The following HS6ST3 variants were observed in gnomAD, a reference collection of about 807,000 sequenced individuals.
HS6ST3 encodes heparan-sulfate 6-O-sulfotransferase 3.
Under a neutral mutation model 36.7 loss-of-function variants are expected in HS6ST3, and 12 were observed. The ratio of observed to expected loss-of-function variants is 0.33; its 90% CI spans 0.21 to 0.53. The LOEUF (loss-of-function observed/expected upper bound fraction) is 0.53, where lower values mean the gene tolerates loss of function less well. Ranked by LOEUF, HS6ST3 falls within the 20% of genes least tolerant of loss-of-function variation. HS6ST3 has a pLI of 0.95. For missense variants in HS6ST3, 584 were observed against 640.9 expected, an observed-to-expected ratio of 0.91 and a Z score of 0.96; for synonymous variants, 240 against 257.5, an observed-to-expected ratio of 0.93 and a Z score of 0.65.
chr13:96,813,976 T>C (rs1322540305), intron 1 of HS6ST3, among the ~76,000 whole-genome samples: 1 of 152,226 alleles, frequency 6.6e-6, no homozygotes, highest in Non-Finnish European at 1.5e-5. Flanking sequence ...TTTTATCTTA[T>C]GGAGAGAATA....
At chr13:96,395,032 C>T (rs2055413864) in intron 1 of HS6ST3, among the ~76,000 whole-genome samples, 1 of 152,044 alleles carries the variant, frequency 6.6e-6, no homozygotes, top group Non-Finnish European at 1.5e-5. Context: ...TCTATTAAGG[C>T]TTCATTTGTT....
At chr13:96,607,575 A>T (rs955854403) in intron 1 of HS6ST3, among the ~76,000 whole-genome samples, 25 of 152,222 alleles carry the variant, frequency 1.6e-4, no homozygotes, top group African/African-American at 5.8e-4. Flanking sequence ...TGTGATGGCC[A>T]TATGAACTGA....
chr13:96,362,259 A>T (rs1388351989), intron 1 of HS6ST3, among the ~76,000 whole-genome samples: 1 of 151,632 alleles, frequency 6.6e-6, no homozygotes. Context: ...ATAATATTTA[A>T]TAACGATTTC....
rs1878883946 is a variant in HS6ST3 at position 96,834,713 on chromosome 13, T to C, written c.*1515T>C. On this transcript the variant is annotated 3_prime_UTR_variant, in exon 2 of 2. Transcript: ENST00000376705. ...CAGATTGAAAAGCCTATTTCATTGA[T>C]ATCCAACATGTTTGATGTTTAAGCT... is the stretch of plus-strand genomic sequence containing the variant. The C allele has an allele frequency of 6.6e-6, 1 of 152,640 alleles. No individual in the cohort carries two copies. The highest frequency in any genetic ancestry group is 2.1e-4 in the South Asian group (1 of 4,830). The allele number at this position is 152,640 out of a possible 1,614,324, so 9.5% of individuals were successfully genotyped here. A position where few individuals can be genotyped will look rare whatever the true frequency, so the allele number is the denominator to read the frequency against.
rs116072259 is a variant in HS6ST3, at chr13:96,733,657, T to C, written c.708-98833T>C. Reference sequence around the variant, plus strand: ...ACCCTACCTTAATTCCTAAGGAGATTCCTTCACCAATGAAATGGGTATAAT... The same window carrying C: ...ACCCTACCTTAATTCCTAAGGAGATCCCTTCACCAATGAAATGGGTATAAT... On this transcript the variant is annotated intron_variant, in intron 1 of 1. Transcript: ENST00000376705. Among the ~76,000 whole-genome samples the C allele has an allele frequency of 3.0e-3, 456 of 152,336 alleles. 5 individuals are homozygous for C. Among genetic ancestry groups the C allele is most frequent in the African/African-American group, 0.01 (419 of 41,584 alleles).
At chr13:96,789,220 TACTTA>T (rs1877723117) in intron 1 of HS6ST3, among the ~76,000 whole-genome samples, 1 of 151,942 alleles carries the variant, frequency 6.6e-6, no homozygotes. Context: ...ATAATATAGA[TACTTA>T]ACTTTTTATA....
chr13:96,766,163 G>A (rs956538552), intron 1 of HS6ST3, among the ~76,000 whole-genome samples: 1 of 152,176 alleles, frequency 6.6e-6, no homozygotes. Context: ...ACATGAAAGG[G>A]CAGCAATTAA....
At chr13:96,213,102 G>T (rs1045534585) in intron 1 of HS6ST3, among the ~76,000 whole-genome samples, 1 of 152,138 alleles carries the variant, frequency 6.6e-6, no homozygotes, top group African/African-American at 2.4e-5. Context: ...ATGCAATTTT[G>T]TACTTGCTTA....
At chr13:96,322,950 C>T (rs2055011796) in intron 1 of HS6ST3, among the ~76,000 whole-genome samples, 1 of 152,178 alleles carries the variant, frequency 6.6e-6, no homozygotes, top group African/African-American at 2.4e-5. Context: ...CTGTGCCCGC[C>T]TGGTGTGCCT....
At chr13:96,120,181 G>A (rs1337785775) in intron 1 of HS6ST3, among the ~76,000 whole-genome samples, 3 of 152,218 alleles carry the variant, frequency 2.0e-5, no homozygotes, top group Non-Finnish European at 4.4e-5. Context: ...AAAGATTCCT[G>A]GCAGCCCCAG....
At chr13:96,464,163 C>CAAAAAAAAAAAAAA (rs1322172089) in intron 1 of HS6ST3, among the ~76,000 whole-genome samples, 153 of 64,612 alleles carry the variant, frequency 2.4e-3, no homozygotes, top group South Asian at 4.8e-3. Context: ...AAAAAAAAAT[C>CAAAAAAAAAAAAAA]AAAGATCTGA....
chr13:96,467,622 CTAA>C (rs1460002418), intron 1 of HS6ST3, among the ~76,000 whole-genome samples: 2 of 142,038 alleles, frequency 1.4e-5, no homozygotes, highest in Admixed American at 7.0e-5. Context: ...GATATCTGTG[CTAA>C]TAATAATTAA....
chr13:96,204,867 T>C (rs1420078479), intron 1 of HS6ST3, among the ~76,000 whole-genome samples: 3 of 152,088 alleles, frequency 2.0e-5, no homozygotes, highest in South Asian at 4.1e-4. Context: ...ATTTATAGCA[T>C]TGAATGCCCA....
chr13:96,771,191 T>C (rs1229083102), intron 1 of HS6ST3, among the ~76,000 whole-genome samples: 2 of 148,722 alleles, frequency 1.3e-5, no homozygotes, highest in African/African-American at 2.5e-5. Flanking sequence ...CAACACCGCA[T>C]GTTCTCACTC....
chr13:96,645,858 T>C (rs2056586798), intron 1 of HS6ST3, among the ~76,000 whole-genome samples: 1 of 151,872 alleles, frequency 6.6e-6, no homozygotes, highest in African/African-American at 2.4e-5. Context: ...GTACTGAAAA[T>C]AGTTTATAAA....
intron 1 of HS6ST3, among the ~76,000 whole-genome samples, chr13:96,326,975 T>G (rs1191743052): frequency 1.3e-5 from 2 of 149,732 alleles, no homozygotes; most frequent in Non-Finnish European, 3.0e-5. Context: ...CATAAATGTC[T>G]TCTTTTGAGA....
chr13:96,273,950 T>TCCC (rs2054734356), intron 1 of HS6ST3, among the ~76,000 whole-genome samples: 1 of 71,346 alleles, frequency 1.4e-5, no homozygotes, highest in Non-Finnish European at 2.6e-5. Context: ...CCTCCCTCCC[T>TCCC]TCCTTCCTTC....
At chr13:96,337,130 AT>A (rs1488572077) in intron 1 of HS6ST3, among the ~76,000 whole-genome samples, 1 of 152,050 alleles carries the variant, frequency 6.6e-6, no homozygotes, top group East Asian at 1.9e-4. Context: ...GCAGTGGCCA[AT>A]CTCTGCTCAC....
rs1383196469 is a variant in HS6ST3 at position 96,504,453 on chromosome 13, G to A, written c.708-328037G>A. Among the ~76,000 whole-genome samples the A allele has an allele frequency of 3.9e-5, 6 of 152,274 alleles. No homozygotes were observed. The East Asian group carries it at 1.2e-3, about 29-fold the overall frequency. ...TGTTAGCAACTGCTTAGCAATGAATGTTACTGGTGGGGTTCAGGAGGTTTA... is the reference window on the plus strand; with the variant it reads ...TGTTAGCAACTGCTTAGCAATGAATATTACTGGTGGGGTTCAGGAGGTTTA... On this transcript the variant is annotated intron_variant, in intron 1 of 1. Transcript: ENST00000376705.
Sources: allele counts gnomAD v4.1 joint callset (sites outside exome capture counted in the v4.1 genomes callset), GRCh38; gene constraint gnomAD v4.1.1; transcripts MANE v1.5; gene names NCBI Gene and HGNC (gene_info 2026-07-23, HGNC 2026-07-21).